Variants in RBFOX1 observed in about 807,000 individuals in gnomAD.
RBFOX1 encodes RNA binding fox-1 homolog 1.
Under a neutral mutation model 57.7 loss-of-function variants are expected in RBFOX1, and 8 were observed. That is an observed-to-expected ratio of 0.14 (90% CI 0.08 to 0.25). The LOEUF (loss-of-function observed/expected upper bound fraction) is 0.25. Ranked by LOEUF, RBFOX1 falls within the 10% of genes least tolerant of loss-of-function variation. The pLI is 1.00. For synonymous variants in RBFOX1, 326 were observed against 222.4 expected, an observed-to-expected ratio of 1.47 and a Z score of -4.15; for missense variants, 611 against 548.5, an observed-to-expected ratio of 1.11 and a Z score of -1.14.
chr16:5,530,641 G>T (rs1406945754), intron 2 of RBFOX1, among the ~76,000 whole-genome samples: 1 of 152,108 alleles, frequency 6.6e-6, no homozygotes, highest in African/African-American at 2.4e-5. Flanking sequence ...CAGCAACCTT[G>T]GCCTCTACCC....
In RBFOX1 at chr16:5,823,480, C is replaced by G. The variant is rs917681360; in HGVS notation, c.319-43823C>G. Among the ~76,000 whole-genome samples the G allele has an allele frequency of 5.9e-5, 9 of 152,278 alleles. No homozygotes were observed. The South Asian group carries it at 8.3e-4, about 14-fold the overall frequency. On this transcript the variant is annotated intron_variant, in intron 3 of 19. Coordinates refer to the RBFOX1 transcript ENST00000641259. ...TATAATATGTGTCAGGCACTGCCCT[C>G]TATGGCTGGGGTCCCCAAACCCCAG...
At position 6,097,503 on chromosome 16, in the gene RBFOX1, C is replaced by T. The variant is rs1439654863; in HGVS notation, c.-127+77511C>T. ...CAGAATCTCTGGTGGCAGGAACCAG[C>T]AATCTGTGCTTTCAACAAGCTCTCT... On this transcript the variant is annotated intron_variant, in intron 1 of 15. Coordinates refer to ENST00000550418, the MANE Select transcript of RBFOX1 (RefSeq NM_018723.4). The surrounding 1 kb of genome is among the most constrained non-coding windows in gnomAD (Gnocchi z 5.0). Among the ~76,000 whole-genome samples, 2 of 152,186 alleles carry T rather than the reference C, an allele frequency of 1.3e-5. No homozygotes were observed. Among genetic ancestry groups the T allele is most frequent in the Middle Eastern group, 3.2e-3 (1 of 316 alleles).
chr16:6,450,756 T>TATATATATGTATATATATATATAC (rs1567302352), intron 2 of RBFOX1, among the ~76,000 whole-genome samples: 5 of 48,906 alleles, frequency 1.0e-4, no homozygotes, highest in African/African-American at 4.6e-4. Context: ...TATATATACA[T>TATATATATGTATATATATATATAC]ATATATATGT....
At chr16:5,481,452 G>A (rs1445594877) in intron 2 of RBFOX1, among the ~76,000 whole-genome samples, 2 of 152,182 alleles carry the variant, frequency 1.3e-5, no homozygotes, top group Admixed American at 6.5e-5. Flanking sequence ...TGTCAGCAGG[G>A]TTTATTATGG....
intron 1 of RBFOX1, among the ~76,000 whole-genome samples, chr16:5,453,709 C>T (rs1251461109): frequency 6.6e-6 from 1 of 152,218 alleles, no homozygotes; most frequent in East Asian, 1.9e-4. Context: ...TTCATTTGTA[C>T]TTCTTCCCAG....
At position 5,709,831 on chromosome 16, in the gene RBFOX1, ATATATATATATATTTTTTTTTTTTTTTTT is replaced by A. The variant is rs1359295026; in HGVS notation, c.318+110872_318+110900del. ...TCTTTATATATATATATATATATAT[ATATATATATATATTTTTTTTTTTTTTTTT>A]TTTTTTTTTTTTTTTTTACCATTTC... On this transcript the variant is annotated intron_variant, in intron 3 of 19. Transcript: ENST00000641259. Among the ~76,000 whole-genome samples the A allele has an allele frequency of 3.0e-3, 22 of 7,218 alleles. No homozygotes were observed. In the East Asian group the frequency reaches 0.11, roughly 36 times the overall value. The allele number at this position is 7,218 out of a possible 152,430, so 4.7% of individuals were successfully genotyped here. A position where few individuals can be genotyped will look rare whatever the true frequency, so the allele number is the denominator to read the frequency against.
intron 4 of RBFOX1, among the ~76,000 whole-genome samples, chr16:7,116,028 G>T (rs146743045): frequency 2.6e-5 from 4 of 152,238 alleles, no homozygotes; most frequent in Admixed American, 2.6e-4. Flanking sequence ...GTACTAAGTG[G>T]CCATGTGCCC....
intron 13 of RBFOX1, among the ~76,000 whole-genome samples, chr16:7,671,770 G>T (rs1029560829): frequency 6.6e-6 from 1 of 152,142 alleles, no homozygotes; most frequent in East Asian, 1.9e-4. Flanking sequence ...AGGTGAGGTG[G>T]CTATCCCTGT....
At chr16:7,661,319 C>T (rs565961026) in intron 12 of RBFOX1, among the ~76,000 whole-genome samples, 25 of 152,262 alleles carry the variant, frequency 1.6e-4, no homozygotes, top group African/African-American at 5.8e-4. Context: ...CATCTTTTTG[C>T]TGTGAAGCCA....
chr16:6,697,580 T>C (rs1475135937), intron 3 of RBFOX1, among the ~76,000 whole-genome samples: 1 of 152,244 alleles, frequency 6.6e-6, no homozygotes, highest in Non-Finnish European at 1.5e-5. Flanking sequence ...GTCAAAGGCT[T>C]ATCCTGGAAC....
At chr16:7,318,580 A>T (rs2143001516) in intron 4 of RBFOX1, among the ~76,000 whole-genome samples, 1 of 152,310 alleles carries the variant, frequency 6.6e-6, no homozygotes, top group South Asian at 2.1e-4. Context: ...AGACTAAATT[A>T]TTTAATGTTT....
At chr16:5,641,600 A>T (rs551487745) in intron 3 of RBFOX1, among the ~76,000 whole-genome samples, 7 of 152,230 alleles carry the variant, frequency 4.6e-5, no homozygotes, top group African/African-American at 1.4e-4. Flanking sequence ...TATGAATGGC[A>T]CCCCTTTTGG....
intron 1 of RBFOX1, among the ~76,000 whole-genome samples, chr16:6,069,779 G>T (rs2095813100): frequency 6.6e-6 from 1 of 152,062 alleles, no homozygotes; most frequent in Non-Finnish European, 1.5e-5. Flanking sequence ...TTGAGTTCAG[G>T]AGTTTGAGAC....
chr16:7,030,953 A>G (rs1230722321), intron 3 of RBFOX1, among the ~76,000 whole-genome samples: 1 of 152,220 alleles, frequency 6.6e-6, no homozygotes, highest in African/African-American at 2.4e-5. Context: ...TGGAAATAAA[A>G]TGATCAAGAA....
chr16:7,478,057 G>A (rs969041144), intron 4 of RBFOX1, among the ~76,000 whole-genome samples: 1 of 152,178 alleles, frequency 6.6e-6, no homozygotes, highest in African/African-American at 2.4e-5. Flanking sequence ...AATCGAATAA[G>A]TGCATTTCAA....
intron 4 of RBFOX1, among the ~76,000 whole-genome samples, chr16:7,365,723 G>C (rs2097430376): frequency 6.6e-6 from 1 of 152,178 alleles, no homozygotes; most frequent in African/African-American, 2.4e-5. Context: ...AAAATATCAA[G>C]AGTGCAGAGA....
chr16:6,523,087 A>G (rs975629528), intron 2 of RBFOX1, among the ~76,000 whole-genome samples: 5 of 152,196 alleles, frequency 3.3e-5, no homozygotes, highest in African/African-American at 7.2e-5. Context: ...GCTCTTTAAA[A>G]TAATCTTATG....
intron 3 of RBFOX1, among the ~76,000 whole-genome samples, chr16:5,770,587 G>T (rs2053944972): frequency 6.6e-6 from 1 of 152,218 alleles, no homozygotes; most frequent in African/African-American, 2.4e-5. Flanking sequence ...CTGTGGAGCA[G>T]CCATTTTCCT....
At chr16:5,488,444 G>C (rs111163820) in intron 2 of RBFOX1, among the ~76,000 whole-genome samples, 2 of 150,240 alleles carry the variant, frequency 1.3e-5, no homozygotes, top group East Asian at 3.9e-4. Context: ...GATGATGATG[G>C]TGATGATTGA....
Sources: gnomAD v4.1 joint callset for allele counts (sites outside exome capture counted in the v4.1 genomes callset) on GRCh38, gnomAD v4.1.1 for gene constraint, Gnocchi (gnomAD v3.1) non-coding constraint, MANE v1.5 for transcripts, NCBI Gene and HGNC (gene_info 2026-07-23, HGNC 2026-07-21) for gene names.